Variants in PFKM observed in about 807,000 individuals in gnomAD.
PFKM encodes phosphofructokinase, muscle.
A neutral mutation model predicts 95.5 loss-of-function variants in PFKM; 58 were observed. The observed-to-expected ratio is 0.61, with a 90% CI of 0.49 to 0.76. The LOEUF (loss-of-function observed/expected upper bound fraction) is 0.76, where lower values mean the gene tolerates loss of function less well. Among genes scored for constraint, PFKM ranks in the 30% least tolerant of loss-of-function variants. PFKM has a pLI of 0.00. For missense variants in PFKM, 678 were observed against 1,005.4 expected, an observed-to-expected ratio of 0.67 and a Z score of 4.40; for synonymous variants, 336 against 357.2, an observed-to-expected ratio of 0.94 and a Z score of 0.67.
In PFKM at chr12:48,110,268, C is replaced by T. The variant is rs117528297; in HGVS notation, c.205+2074C>T. Reference sequence around the variant, plus strand: ...TGTGACTTGATGATGGGAGGAATAGCGGGAGAGTGAACTGTACAGGTGGTG... The same window carrying T: ...TGTGACTTGATGATGGGAGGAATAGTGGGAGAGTGAACTGTACAGGTGGTG... On this transcript the variant is annotated intron_variant, in intron 3 of 24. Coordinates refer to the PFKM transcript ENST00000340802. Among the ~76,000 whole-genome samples, 921 of 152,156 alleles carry T rather than the reference C, an allele frequency of 6.1e-3. 8 individuals carry two copies. The highest frequency in any genetic ancestry group is 0.011 in the Admixed American group (162 of 15,288).
At chr12:48,110,449 C>G (rs1947080921) in intron 3 of PFKM, among the ~76,000 whole-genome samples, 1 of 152,178 alleles carries the variant, frequency 6.6e-6, no homozygotes, top group Non-Finnish European at 1.5e-5. Flanking sequence ...GTTATCTGCT[C>G]TAATGAGATG....
chr12:48,131,369 G>T lies in PFKM; in HGVS notation c.213G>T (p.Glu71Asp). ...ATCACATCAAGGAAGCCACCTGGGAGAGCGTTTCGATGATGCTTCAGCTGG... is the reference window on the plus strand; with the variant it reads ...ATCACATCAAGGAAGCCACCTGGGATAGCGTTTCGATGATGCTTCAGCTGG... ...GGDHIKEATWESVSMMLQLGG... is the reference protein window; with the variant it reads ...GGDHIKEATWDSVSMMLQLGG... Residue 71 changes from glutamate to aspartate, a missense_variant, in exon 4 of 23, where the codon GAG becomes GAT. Transcript: ENST00000359794. The T allele has an allele frequency of 1.2e-6, 2 of 1,613,228 alleles. No homozygotes were observed. Among genetic ancestry groups the T allele is most frequent in the Non-Finnish European group, 1.7e-6 (2 of 1,179,236 alleles).
chr12:48,133,271 C>T, intron 5 of PFKM, 44 bp from the exon 6 acceptor site: 1 of 1,559,912 alleles, frequency 6.4e-7, no homozygotes, highest in South Asian at 1.1e-5. Flanking sequence ...TTAGGCATGC[C>T]AGGTGCCTCA....
chr12:48,134,374 C>A, intron 7 of PFKM, 98 bp downstream of exon 7: 1 of 1,015,078 alleles, frequency 9.9e-7, no homozygotes, highest in Non-Finnish European at 1.6e-6. Flanking sequence ...AGCAGCAGAT[C>A]TGGAGGTGCA....
chr12:48,144,006 C>T, intron 19 of PFKM, 40 bp from the exon 20 acceptor site: 1 of 1,425,576 alleles, frequency 7.0e-7, no homozygotes, highest in Non-Finnish European at 9.9e-7. Context: ...GGATGGGAAG[C>T]CAACCACAGA....
rs748720104 is a variant in PFKM at position 48,134,995 on chromosome 12, T to C, written c.800T>C (p.Ile267Thr). ...ATCATCATTGTGGCTGAGGGTGCAA[T>C]TGACAAGAATGGAAAACCAATCACC... ...LNIIIVAEGA[I>T]DKNGKPITSE... Residue 267 changes from isoleucine (I) to threonine (T), a missense_variant, in exon 9 of 23, where the codon ATT (isoleucine) becomes ACT (threonine). By Grantham distance (89) the Ile-to-Thr change is moderately conservative. Coordinates refer to ENST00000359794, the MANE Select transcript of PFKM (RefSeq NM_000289.6). The C allele has an allele frequency of 1.1e-5, 18 of 1,613,938 alleles. No homozygotes were observed. Among genetic ancestry groups the C allele is most frequent in the Non-Finnish European group, 1.5e-5 (18 of 1,179,970 alleles).
exon 1 of PFKM, chr12:48,106,087 G>A: frequency 1.4e-6 from 1 of 702,614 alleles, no homozygotes; most frequent in South Asian, 1.5e-5. Context: ...CGCAAAACCC[G>A]GGAACCGCCG....
intron 3 of PFKM, among the ~76,000 whole-genome samples, chr12:48,112,693 G>T (rs1947312001): frequency 6.6e-6 from 1 of 152,182 alleles, no homozygotes; most frequent in African/African-American, 2.4e-5. Context: ...GCACCACGGG[G>T]TGGATAAGCA....
At position 48,144,063 on chromosome 12, in the gene PFKM, A is replaced by C. The variant is rs1236628866; in HGVS notation, c.1898A>C (p.Glu633Ala). The C allele has an allele frequency of 1.2e-6, 2 of 1,613,216 alleles. No individual in the cohort carries two copies. The highest frequency in any genetic ancestry group is 1.7e-6 in the Non-Finnish European group (2 of 1,179,122). The part of the protein sequence containing the change: ...GLVLRNEKCN[E>A]NYTTDFIFNL... The stretch of plus-strand genomic sequence containing the variant: ...CCTGGCAGGAATGAAAAGTGCAATG[A>C]GAACTATACCACTGACTTCATTTTC... The change falls in exon 20 of 23, where the codon GAG becomes GCG. Residue 633 changes from glutamate to alanine, a missense_variant. Glu to Ala is a moderately radical substitution (Grantham distance 107, BLOSUM62 -1). Coordinates refer to ENST00000359794, the MANE Select transcript of PFKM (RefSeq NM_000289.6).
In PFKM at chr12:48,141,351, GC is replaced by G; in HGVS notation, c.1384del (p.Gln462LysfsTer24). 1.2e-6 allele frequency: 2 copies of G among 1,614,190 alleles called. No homozygotes were observed. The highest frequency in any genetic ancestry group is 1.7e-6 in the Non-Finnish European group (2 of 1,180,030). ...AGWSYVGGWTGQGGSKLGTKR... is the reference protein window; with the variant it reads ...AGWSYVGGWTXQGGSKLGTKR... ...TGGAGCTATGTTGGGGGCTGGACTG[GC>G]CAAGGTGGCTCTAAACTTGGGACTA... On this transcript the variant is annotated frameshift_variant, in exon 15 of 23. Transcript: ENST00000359794. LOFTEE classifies it high-confidence loss of function.
rs752255045 is a variant in PFKM at position 48,145,079 on chromosome 12, G to A, written c.2041G>A (p.Ala681Thr). 4.2e-5 allele frequency: 68 copies of A among 1,614,146 alleles called. No homozygotes were observed. Among genetic ancestry groups the A allele is most frequent in the East Asian group, 1.3e-4 (6 of 44,890 alleles). ...FDRNFATKMGAKAMNWMSGKI... is the reference protein window; with the variant it reads ...FDRNFATKMGTKAMNWMSGKI... ...TAGGAATTTTGCCACTAAGATGGGC[G>A]CCAAGGCTATGAACTGGATGTCTGG... Residue 681 changes from alanine to threonine, a missense_variant, in exon 21 of 23, where the codon GCC becomes ACC. Ala to Thr is a moderately conservative substitution (Grantham distance 58). Coordinates refer to ENST00000359794, the MANE Select transcript of PFKM (RefSeq NM_000289.6). This position sits in a 1 kb window ranked among gnomAD's most constrained non-coding sequence, Gnocchi z 4.3.
chr12:48,111,176 C>G (rs1947154111), intron 3 of PFKM, among the ~76,000 whole-genome samples: 2 of 152,196 alleles, frequency 1.3e-5, no homozygotes, highest in Non-Finnish European at 2.9e-5. Flanking sequence ...CTTCTAGTGA[C>G]CTGAAAATGT....
chr12:48,123,615 T>G (rs10082861), intron 2 of PFKM, among the ~76,000 whole-genome samples: 44,531 of 152,020 alleles, frequency 0.29, 6,659 homozygotes, highest in Non-Finnish European at 0.31. Flanking sequence ...AAAGGATACA[T>G]GACATGGAGA....
upstream of PFKM, among the ~76,000 whole-genome samples, chr12:48,114,583 CAGATGGTT>C (rs1484421208): frequency 6.6e-6 from 1 of 151,968 alleles, no homozygotes. Context: ...GGTGAGAGGT[CAGATGGTT>C]CAGTAGAAAA....
upstream of PFKM, among the ~76,000 whole-genome samples, chr12:48,118,257 T>C (rs1465385264): frequency 6.6e-6 from 1 of 152,234 alleles, no homozygotes; most frequent in Non-Finnish European, 1.5e-5. Context: ...GAGGGGCTTA[T>C]AATTTTATTT....
chr12:48,132,127 C>T, intron 4 of PFKM: 1 of 453,868 alleles, frequency 2.2e-6, no homozygotes, highest in Non-Finnish European at 4.4e-6. Context: ...TGAGAATGAG[C>T]CAGAATTCTC....
At position 48,140,845 on chromosome 12, in the gene PFKM, G is replaced by A. The variant is rs1950523220; in HGVS notation, c.1315G>A (p.Gly439Ser). The A allele has an allele frequency of 6.2e-7, 1 of 1,614,214 alleles. No homozygotes were observed. Among genetic ancestry groups the A allele is most frequent in the Non-Finnish European group, 8.5e-7 (1 of 1,180,046 alleles). ...QGNRVLVVHD[G>S]FEGLAKGQIE... is the part of the protein sequence containing the mutation. ...CAACCGAGTGCTCGTTGTCCATGAT[G>A]GTTTCGAGGGCCTGGCCAAGGGGCA... is the stretch of plus-strand genomic sequence containing the variant. Residue 439 changes from glycine (G) to serine (S), a missense_variant, in exon 14 of 23, where the codon GGT (glycine) becomes AGT (serine). By Grantham distance (56) the Gly-to-Ser change is moderately conservative (BLOSUM62 0). Transcript: ENST00000359794.
Position 48,141,920 on chromosome 12 carries a change from A to AC in PFKM, c.1508dup (p.Gly504ArgfsTer13). On this transcript the variant is annotated frameshift_variant, in exon 17 of 23. Transcript: ENST00000359794. LOFTEE classifies it high-confidence loss of function. ...TGTGCTCTCTTCTTCTTAGGCTTAC[A>AC]CAGGGGGCCTGGAACTGATGGAGGG... 6.2e-7 allele frequency: 1 copy of AC among 1,613,954 alleles called. No individual in the cohort carries two copies. Among genetic ancestry groups the AC allele is most frequent in the Middle Eastern group, 1.7e-4 (1 of 6,060 alleles).
At chr12:48,141,630 G>T (rs1400666884) in intron 15 of PFKM, 110 bp from the exon 16 acceptor site, 2 of 917,828 alleles carry the variant, frequency 2.2e-6, no homozygotes. Context: ...CACAGGTCAA[G>T]AAATTAAAAA....
Sources: allele counts gnomAD v4.1 joint callset (sites outside exome capture counted in the v4.1 genomes callset), GRCh38; gene constraint gnomAD v4.1.1; non-coding constraint Gnocchi (gnomAD v3.1); transcripts MANE v1.5; gene names NCBI Gene and HGNC (gene_info 2026-07-23, HGNC 2026-07-21).